TMEM266: variants seen among roughly 807,000 people sequenced by gnomAD.
TMEM266 encodes the protein transmembrane protein 266.
TMEM266 carries 33 observed loss-of-function variants against 50.5 expected under a neutral mutation model. That is an observed-to-expected ratio of 0.65 (90% CI 0.50 to 0.87). The LOEUF (loss-of-function observed/expected upper bound fraction) is 0.87. TMEM266 is among the 40% of genes least tolerant of loss of function. TMEM266 has a pLI of 0.00. For missense variants in TMEM266, 655 were observed against 695.1 expected, an observed-to-expected ratio of 0.94 and a Z score of 0.65; for synonymous variants, 310 against 292.3, an observed-to-expected ratio of 1.06 and a Z score of -0.62.
intron 1 of TMEM266, among the ~76,000 whole-genome samples, chr15:76,116,412 C>T (rs2037247544): frequency 6.6e-6 from 1 of 152,204 alleles, no homozygotes; most frequent in African/African-American, 2.4e-5. Context: ...ACCCCTCCCT[C>T]ATCCTCAGGG....
At position 76,204,069 on chromosome 15, in the gene TMEM266, C is replaced by A; in HGVS notation, c.1350C>A (p.Asp450Glu). 6.2e-7 allele frequency: 1 copy of A among 1,612,570 alleles called. No homozygotes were observed. The highest frequency in any genetic ancestry group is 8.5e-7 in the Non-Finnish European group (1 of 1,179,448). Reference sequence around the variant, plus strand: ...ACCTGCTGTCCTCCCTGTCGGAGGACCCCTGCCCTTCCCAGAAGGCCTTGG... The same window carrying A: ...ACCTGCTGTCCTCCCTGTCGGAGGAACCCTGCCCTTCCCAGAAGGCCTTGG... The change falls in exon 11 of 11, where the codon GAC becomes GAA. Residue 450 changes from aspartate (D) to glutamate (E), a missense_variant. Physicochemically the swap from Asp to Glu is conservative, Grantham distance 45. Around this residue, in one of 3 missense-constraint regions of TMEM266, gnomAD observed 455 missense variants for 401.8 expected, o/e 1.13. Coordinates refer to ENST00000388942, the MANE Select transcript of TMEM266 (RefSeq NM_152335.3).
chr15:76,074,610 A>G (rs901511910), intron 1 of TMEM266, among the ~76,000 whole-genome samples: 2 of 152,128 alleles, frequency 1.3e-5, no homozygotes, highest in Admixed American at 6.5e-5. Flanking sequence ...TAAACTGGAA[A>G]GGGAGAATTT....
intron 9 of TMEM266, among the ~76,000 whole-genome samples, chr15:76,197,918 A>G (rs890693967): frequency 6.6e-6 from 1 of 152,242 alleles, no homozygotes; most frequent in African/African-American, 2.4e-5. Context: ...GGTAAAACCC[A>G]CATAATGAGC....
rs892309674 is a variant in TMEM266, at chr15:76,171,238, C to A, written c.652+107C>A. The A allele has an allele frequency of 4.8e-6, 7 of 1,452,648 alleles. No individual in the cohort carries two copies. The South Asian group carries it at 9.7e-5, about 20-fold the overall frequency. The allele number at this position is 1,452,648 out of a possible 1,614,324, so 90.0% of individuals were successfully genotyped here. A position where few individuals can be genotyped will look rare whatever the true frequency, so the allele number is the denominator to read the frequency against. On this transcript the variant is annotated intron_variant, in intron 7 of 10. Transcript: ENST00000388942. ...GGGGTACACCCTGCTGGCGTCAGGA[C>A]GGAAGGTGAAACTGTCGGCAGGGAG...
chr15:76,118,089 A>C (rs1441052919), intron 1 of TMEM266, among the ~76,000 whole-genome samples: 1 of 152,240 alleles, frequency 6.6e-6, no homozygotes, highest in Admixed American at 6.5e-5. Context: ...CTTCAAAGTA[A>C]GGCCAGGTTA....
chr15:76,197,167 G>T (rs1384787235), intron 9 of TMEM266, among the ~76,000 whole-genome samples: 1 of 152,194 alleles, frequency 6.6e-6, no homozygotes, highest in Non-Finnish European at 1.5e-5. Context: ...AGAGGAGCGG[G>T]CCTGGCTGAT....
chr15:76,177,110 C>A (rs527851307), intron 8 of TMEM266, among the ~76,000 whole-genome samples: 1 of 152,222 alleles, frequency 6.6e-6, no homozygotes, highest in African/African-American at 2.4e-5. Context: ...CCTCCTCCCC[C>A]AGCCCTGCAG....
At chr15:76,167,530 GTC>G (rs976156954) in intron 5 of TMEM266, among the ~76,000 whole-genome samples, 1 of 151,794 alleles carries the variant, frequency 6.6e-6, no homozygotes, top group Admixed American at 6.5e-5. Flanking sequence ...TGGAGACAGG[GTC>G]TCTCTGTCAC....
chr15:76,102,840 CAAAAAA>C (rs576336505), intron 1 of TMEM266, among the ~76,000 whole-genome samples: 8 of 48,414 alleles, frequency 1.7e-4, no homozygotes, highest in South Asian at 1.3e-3. Context: ...CCCTTATCTC[CAAAAAA>C]AAAAAAAAAA....
chr15:76,198,275 TTGTG>T (rs1195124983), intron 9 of TMEM266, among the ~76,000 whole-genome samples: 1 of 152,204 alleles, frequency 6.6e-6, no homozygotes, highest in East Asian at 1.9e-4. Flanking sequence ...AAGCCTGTGT[TTGTG>T]CCCATTCTTT....
At chr15:76,185,830 C>T (rs2038483956) in intron 8 of TMEM266, among the ~76,000 whole-genome samples, 1 of 152,228 alleles carries the variant, frequency 6.6e-6, no homozygotes, top group Admixed American at 6.5e-5. Context: ...ACTTACACTT[C>T]ATTCCCTCCA....
intron 3 of TMEM266, among the ~76,000 whole-genome samples, chr15:76,140,082 C>T (rs2142033765): frequency 6.6e-6 from 1 of 152,372 alleles, no homozygotes; most frequent in East Asian, 1.9e-4. Flanking sequence ...CAAACGAATC[C>T]AAATGAAGCG....
Position 76,160,671 on chromosome 15 carries a change from AG to A in TMEM266, c.456+507del, listed in dbSNP as rs2038004714. ...GGCAGTGGACCTGACCTGGTCCTGC[AG>A]GGGCCCTGGGTCTGACAGGGCCGAA... is the stretch of plus-strand genomic sequence containing the variant. On this transcript the variant is annotated intron_variant, in intron 5 of 10. Coordinates refer to ENST00000388942, the MANE Select transcript of TMEM266 (RefSeq NM_152335.3). The surrounding 1 kb of genome is among the most constrained non-coding windows in gnomAD (Gnocchi z 5.7). 6.6e-6 allele frequency among the ~76,000 whole-genome samples: 1 copy of A among 152,140 alleles called. No individual in the cohort carries two copies. The highest frequency in any genetic ancestry group is 1.5e-5 in the Non-Finnish European group (1 of 68,024).
intron 1 of TMEM266, among the ~76,000 whole-genome samples, chr15:76,127,161 C>T (rs1244741096): frequency 2.0e-5 from 3 of 152,054 alleles, no homozygotes; most frequent in Non-Finnish European, 4.4e-5. Context: ...ATGTTAATTA[C>T]CTTGATTGTG....
In TMEM266 at chr15:76,204,105, C is replaced by T. The variant is rs914869431; in HGVS notation, c.1386C>T (p.Pro462=). 1.1e-5 allele frequency: 18 copies of T among 1,613,032 alleles called. No homozygotes were observed. The highest frequency in any genetic ancestry group is 1.5e-5 in the Non-Finnish European group (18 of 1,179,710). Residue 462 remains proline, a synonymous_variant, in exon 11 of 11, where the codon CCC becomes CCT. Transcript: ENST00000388942. ...CCCAGAAGGCCTTGGACCCAGCCCCCCTCGCCCGGCCCAGCCCAGCGGGCT... is the reference window on the plus strand; with the variant it reads ...CCCAGAAGGCCTTGGACCCAGCCCCTCTCGCCCGGCCCAGCCCAGCGGGCT...
In TMEM266 at chr15:76,137,770, C is replaced by T. The variant is rs759691310; in HGVS notation, c.102C>T (p.Thr34=). The T allele has an allele frequency of 8.1e-6, 13 of 1,614,050 alleles. No individual in the cohort carries two copies. Among genetic ancestry groups the T allele is most frequent in the Non-Finnish European group, 1.1e-5 (13 of 1,180,030 alleles). The change falls in exon 3 of 11, where the codon ACC becomes ACT. Residue 34 remains threonine (T), a synonymous_variant. Coordinates refer to ENST00000388942, the MANE Select transcript of TMEM266 (RefSeq NM_152335.3). The stretch of plus-strand genomic sequence containing the variant: ...TCTCCCAACAAGTAGACGAAGAAAC[C>T]AAGAGCATTGCTCCTGTGCAGCTGG...
At chr15:76,198,978 G>T (rs535498960) in intron 9 of TMEM266, among the ~76,000 whole-genome samples, 1 of 152,370 alleles carries the variant, frequency 6.6e-6, no homozygotes, top group African/African-American at 2.4e-5. Flanking sequence ...ACCCCTCATG[G>T]CCACCTAGGG....
intron 1 of TMEM266, among the ~76,000 whole-genome samples, chr15:76,118,046 C>G (rs1380938736): frequency 6.6e-6 from 1 of 152,240 alleles, no homozygotes; most frequent in Non-Finnish European, 1.5e-5. Context: ...AGCTAATGCT[C>G]TTTTATGACC....
At chr15:76,169,907 C>G in intron 6 of TMEM266, 35 bp downstream of exon 6, 1 of 1,598,416 alleles carries the variant, frequency 6.3e-7, no homozygotes, top group Non-Finnish European at 8.6e-7. Context: ...AGCCCCCACT[C>G]TGCCATCCTG....
Sources: gnomAD v4.1 joint callset for allele counts (sites outside exome capture counted in the v4.1 genomes callset) on GRCh38, gnomAD v4.1.1 for gene constraint, gnomAD v4.1.1 regional missense constraint, Gnocchi (gnomAD v3.1) non-coding constraint, MANE v1.5 for transcripts, NCBI Gene and HGNC (gene_info 2026-07-23, HGNC 2026-07-21) for gene names.